Variants in PECAM1 observed in about 807,000 individuals in gnomAD.
PECAM1 encodes platelet and endothelial cell adhesion molecule 1.
PECAM1 carries 8 observed loss-of-function variants against 13.8 expected under a neutral mutation model. The ratio of observed to expected loss-of-function variants is 0.58; its 90% CI spans 0.34 to 1.05. The LOEUF is 1.05. Among genes scored for constraint, PECAM1 ranks in the 50% least tolerant of loss-of-function variants. The probability of loss-of-function intolerance (pLI) is 0.03; values close to 1 mark genes in which losing one functional copy is unlikely to be tolerated. For missense variants in PECAM1, 304 were observed against 141.2 expected, an observed-to-expected ratio of 2.15 and a Z score of -5.84; for synonymous variants, 136 against 52.6, an observed-to-expected ratio of 2.58 and a Z score of -6.86.
chr17:64,344,260 G>A lies in PECAM1; in HGVS notation c.2108-2570C>T, dbSNP rs949985049. 1.1e-4 allele frequency among the ~76,000 whole-genome samples: 17 copies of A among 151,972 alleles called. No individual in the cohort carries two copies. In the East Asian group the frequency reaches 3.1e-3, roughly 28 times the overall value. Reference sequence around the variant, plus strand: ...AATCTGCCCAGTTAAGTGATGGGTGGGCAGGCAGAGTTGCAGCTCATCACT... The same window carrying A: ...AATCTGCCCAGTTAAGTGATGGGTGAGCAGGCAGAGTTGCAGCTCATCACT... On this transcript the variant is annotated intron_variant, in intron 13 of 15. Transcript: ENST00000563924.
rs1205561172 is a variant in PECAM1, at chr17:64,363,237, G to A, written c.1128C>T (p.Ala376=). ...VSQTQDFTKI[A]SKSDSGTYIC... is the part of the protein sequence containing the mutation. ...TATACGTCCCACTGTCCGACTTTGA[G>A]GCTATCTTGGTGAAATCTTGAGTCT... The change falls in exon 6 of 16, where the codon GCC becomes GCT. Residue 376 remains alanine (A), a synonymous_variant. Coordinates refer to ENST00000563924, the MANE Select transcript of PECAM1 (RefSeq NM_000442.5). 8 of 475,392 alleles carry A rather than the reference G, an allele frequency of 1.7e-5. No homozygotes were observed. The highest frequency in any genetic ancestry group is 1.6e-4 in the African/African-American group (8 of 50,622). 29.4% of individuals were successfully genotyped at this position (475,392 alleles called of 1,614,324 possible).
intron 5 of PECAM1, among the ~76,000 whole-genome samples, chr17:64,364,248 C>A (rs986857435): frequency 1.3e-5 from 2 of 152,184 alleles, no homozygotes; most frequent in Non-Finnish European, 2.9e-5. Flanking sequence ...TTCCTCAACA[C>A]ACACACTCTC....
intron 7 of PECAM1, among the ~76,000 whole-genome samples, 199 bp from the exon 8 acceptor site, chr17:64,356,597 T>A (rs1286778888): frequency 6.6e-6 from 1 of 151,672 alleles, no homozygotes; most frequent in Admixed American, 6.6e-5. Flanking sequence ...TGCCTCAGCC[T>A]CCCGAGTAGC....
At chr17:64,390,443 G>C in intron 2 of PECAM1, 46 bp downstream of exon 2, 1 of 466,068 alleles carries the variant, frequency 2.1e-6, no homozygotes, top group South Asian at 7.5e-5. Flanking sequence ...AGAGAAAGGA[G>C]GAAGCCAGGT....
Position 64,353,531 on chromosome 17 carries a change from A to G in PECAM1, c.1889-13T>C. ...GGCATCTGCTTGGCTTTAAAACAGAAAACGAAAAACCAAAGTCAGTATACA... is the reference window on the plus strand; with the variant it reads ...GGCATCTGCTTGGCTTTAAAACAGAGAACGAAAAACCAAAGTCAGTATACA... On this transcript the variant is annotated splice_polypyrimidine_tract_variant and intron_variant, in intron 9 of 15. Coordinates refer to ENST00000563924, the MANE Select transcript of PECAM1 (RefSeq NM_000442.5). 2.1e-6 allele frequency: 1 copy of G among 469,148 alleles called. No individual in the cohort carries two copies. Among genetic ancestry groups the G allele is most frequent in the African/African-American group, 2.0e-5 (1 of 50,504 alleles). 29.1% of individuals were successfully genotyped at this position (469,148 alleles called of 1,614,324 possible).
At chr17:64,387,008 C>T (rs2036608430) in intron 2 of PECAM1, among the ~76,000 whole-genome samples, 2 of 151,964 alleles carry the variant, frequency 1.3e-5, no homozygotes, top group African/African-American at 4.8e-5. Context: ...GAGGATAAGA[C>T]CAGGAGCCCG....
chr17:64,388,713 G>T (rs996578600), intron 2 of PECAM1, among the ~76,000 whole-genome samples: 1 of 152,126 alleles, frequency 6.6e-6, no homozygotes, highest in Non-Finnish European at 1.5e-5. Flanking sequence ...CGTTGCCCAG[G>T]CTGGAGTGCA....
chr17:64,333,152 C>CA (rs880003505), intron 14 of PECAM1, among the ~76,000 whole-genome samples: 7 of 151,944 alleles, frequency 4.6e-5, no homozygotes. Flanking sequence ...GACTTAGTCT[C>CA]AAAAAACAAA....
At chr17:64,373,284 T>C (rs2036283688) in intron 4 of PECAM1, among the ~76,000 whole-genome samples, 2 of 152,080 alleles carry the variant, frequency 1.3e-5, no homozygotes, top group Non-Finnish European at 2.9e-5. Flanking sequence ...ATTGTTGTAA[T>C]AGCAAACACT....
intron 5 of PECAM1, among the ~76,000 whole-genome samples, chr17:64,365,275 G>A (rs2036077619): frequency 6.6e-6 from 1 of 152,116 alleles, no homozygotes; most frequent in Non-Finnish European, 1.5e-5. Flanking sequence ...GGGACATGAA[G>A]GACCTCTTCA....
chr17:64,330,943 C>T (rs1457830866), intron 14 of PECAM1, among the ~76,000 whole-genome samples: 1 of 152,164 alleles, frequency 6.6e-6, no homozygotes, highest in African/African-American at 2.4e-5. Context: ...GGATGTACAA[C>T]TATTGACTTC....
At chr17:64,334,671 C>A (rs1199907176) in intron 14 of PECAM1, among the ~76,000 whole-genome samples, 1 of 152,144 alleles carries the variant, frequency 6.6e-6, no homozygotes, top group Non-Finnish European at 1.5e-5. Context: ...CCACGTCCAG[C>A]TAATTTTTTG....
intron 15 of PECAM1, among the ~76,000 whole-genome samples, chr17:64,325,359 A>G (rs1414080109): frequency 6.6e-6 from 1 of 151,916 alleles, no homozygotes; most frequent in Non-Finnish European, 1.5e-5. Context: ...CTGCACTCCA[A>G]CCTGGGCGAC....
intron 11 of PECAM1, among the ~76,000 whole-genome samples, chr17:64,350,795 T>A (rs1267627363): frequency 8.6e-5 from 13 of 152,016 alleles, no homozygotes; most frequent in African/African-American, 2.9e-4. Context: ...ACTCCTGGCC[T>A]CAAGTGATCC....
At chr17:64,370,615 C>T (rs1443782615) in intron 4 of PECAM1, among the ~76,000 whole-genome samples, 15 of 152,228 alleles carry the variant, frequency 9.9e-5, no homozygotes, top group African/African-American at 3.6e-4. Context: ...CACCTGTAAT[C>T]CTAACACTTA....
intron 2 of PECAM1, among the ~76,000 whole-genome samples, chr17:64,389,913 T>C (rs1029385364): frequency 1.3e-5 from 2 of 151,986 alleles, no homozygotes; most frequent in African/African-American, 4.8e-5. Context: ...CCGGGCCTGG[T>C]GGCATGCGCC....
chr17:64,380,869 C>T (rs2036466838), intron 2 of PECAM1, among the ~76,000 whole-genome samples: 1 of 152,120 alleles, frequency 6.6e-6, no homozygotes, highest in Non-Finnish European at 1.5e-5. Flanking sequence ...CACCTGTAAT[C>T]CCAGCTACTT....
intron 2 of PECAM1, among the ~76,000 whole-genome samples, chr17:64,384,391 GC>G (rs1227067939): frequency 2.0e-5 from 3 of 151,650 alleles, no homozygotes; most frequent in South Asian, 4.2e-4. Context: ...CCTTCAAGAT[GC>G]CCCCCCCAAT....
intron 13 of PECAM1, among the ~76,000 whole-genome samples, chr17:64,347,535 GAAAA>G (rs1290671032): frequency 2.0e-4 from 12 of 59,010 alleles, no homozygotes; most frequent in African/African-American, 8.3e-4. Context: ...TCTCAACAAA[GAAAA>G]AAAAAATATA....
Sources: allele counts gnomAD v4.1 joint callset (sites outside exome capture counted in the v4.1 genomes callset), GRCh38; gene constraint gnomAD v4.1.1; transcripts MANE v1.5; gene names NCBI Gene and HGNC (gene_info 2026-07-23, HGNC 2026-07-21).